Variants in CAMK1D observed in about 807,000 individuals in gnomAD.
The protein encoded by CAMK1D is calcium/calmodulin dependent protein kinase ID, also known as calcium/calmodulin-dependent protein kinase type 1D.
A neutral mutation model predicts 47.7 loss-of-function variants in CAMK1D; 9 were observed. The observed-to-expected ratio is 0.19, with a 90% CI of 0.11 to 0.33. CAMK1D has a LOEUF of 0.33. CAMK1D is among the 10% of genes least tolerant of loss of function. The pLI, the probability that CAMK1D is intolerant of heterozygous loss-of-function variation, is 1.00. For missense variants in CAMK1D, 291 were observed against 488.7 expected (o/e 0.60, Z 3.81); for synonymous variants, 184 against 184.9 (o/e 0.99, Z 0.04).
At chr10:12,547,157 G>T (rs1343123740) in intron 1 of CAMK1D, among the ~76,000 whole-genome samples, 1 of 152,196 alleles carries the variant, frequency 6.6e-6, no homozygotes, top group Non-Finnish European at 1.5e-5. Flanking sequence ...GGACATAAAG[G>T]CAGAAGGAGA....
chr10:12,679,201 C>T (rs1177267300), intron 3 of CAMK1D, among the ~76,000 whole-genome samples: 1 of 152,150 alleles, frequency 6.6e-6, no homozygotes, highest in Non-Finnish European at 1.5e-5. Flanking sequence ...AAATTCCATA[C>T]ATTATATGAA....
chr10:12,628,385 A>C (rs1014988256), intron 2 of CAMK1D, among the ~76,000 whole-genome samples: 2 of 152,150 alleles, frequency 1.3e-5, no homozygotes, highest in Non-Finnish European at 2.9e-5. Context: ...TAGTGTGGTC[A>C]TGGCTCACTG....
At chr10:12,560,732 AAGAG>A (rs1227631778) in intron 2 of CAMK1D, among the ~76,000 whole-genome samples, 3 of 151,962 alleles carry the variant, frequency 2.0e-5, no homozygotes, top group Non-Finnish European at 4.4e-5. Flanking sequence ...AAGGGTCTAA[AAGAG>A]AGAGAGCTCC....
Position 12,819,442 on chromosome 10 carries a change from C to G in CAMK1D, c.833+3114C>G, listed in dbSNP as rs555790992. 3.2e-3 allele frequency among the ~76,000 whole-genome samples: 488 copies of G among 152,288 alleles called. 1 individual carries two copies. Among genetic ancestry groups the G allele is most frequent in the African/African-American group, 0.011 (450 of 41,560 alleles). ...AGGCAGGGCAGGGGCCTGGCCTGGCCTGCTCGGCTCTTAAGTCCTGGCTTC... is the reference window on the plus strand; with the variant it reads ...AGGCAGGGCAGGGGCCTGGCCTGGCGTGCTCGGCTCTTAAGTCCTGGCTTC... On this transcript the variant is annotated intron_variant, in intron 8 of 10. Transcript: ENST00000619168.
At position 12,666,604 on chromosome 10, in the gene CAMK1D, T is replaced by G. The variant is rs1216043512; in HGVS notation, c.225-132T>G. The G allele has an allele frequency of 7.2e-6, 5 of 696,406 alleles. No homozygotes were observed. The East Asian group carries it at 1.1e-4, about 15-fold the overall frequency. 43.1% of individuals were successfully genotyped at this position (696,406 alleles called of 1,614,324 possible). On this transcript the variant is annotated intron_variant, in intron 2 of 10. Coordinates refer to ENST00000619168, the MANE Select transcript of CAMK1D (RefSeq NM_153498.4). ...TCTGGAAAAAGTCTGGGGACAACATTGTGAAGTCTGAAATCTTTTTGTTCA... is the reference window on the plus strand; with the variant it reads ...TCTGGAAAAAGTCTGGGGACAACATGGTGAAGTCTGAAATCTTTTTGTTCA...
intron 1 of CAMK1D, among the ~76,000 whole-genome samples, chr10:12,363,938 G>A (rs1357105673): frequency 6.6e-6 from 1 of 152,120 alleles, no homozygotes; most frequent in Non-Finnish European, 1.5e-5. Flanking sequence ...GTCTGAGCCC[G>A]TGCCTCCAGT....
intron 2 of CAMK1D, among the ~76,000 whole-genome samples, chr10:12,645,167 C>A (rs1023084806): frequency 1.3e-5 from 2 of 151,884 alleles, no homozygotes; most frequent in Admixed American, 1.3e-4. Flanking sequence ...GCTCAGTGAA[C>A]ATGTTCCCAC....
At chr10:12,821,938 C>T (rs1397866957) in intron 8 of CAMK1D, among the ~76,000 whole-genome samples, 1 of 152,124 alleles carries the variant, frequency 6.6e-6, no homozygotes, top group Non-Finnish European at 1.5e-5. Context: ...CGCACCACTG[C>T]CCTCCAGCCT....
intron 5 of CAMK1D, among the ~76,000 whole-genome samples, chr10:12,771,652 G>A (rs1197607110): frequency 6.6e-6 from 1 of 152,208 alleles, no homozygotes; most frequent in African/African-American, 2.4e-5. Flanking sequence ...GAGGAGCTGT[G>A]TGGACACCAT....
rs141216145 is a variant in CAMK1D at position 12,578,856 on chromosome 10, GACA to G, written c.224+25505_224+25507del. ...TGCACCAGTTCAGTTTGACTTTAGAGACAACAAGCTGAAGCTCTACACTCGATT... is the reference window on the plus strand; with the variant it reads ...TGCACCAGTTCAGTTTGACTTTAGAGACAAGCTGAAGCTCTACACTCGATT... On this transcript the variant is annotated intron_variant, in intron 2 of 10. Coordinates refer to ENST00000619168, the MANE Select transcript of CAMK1D (RefSeq NM_153498.4). 1.2e-3 allele frequency: 182 copies of G among 154,388 alleles called. 7 individuals are homozygous for G. In the East Asian group the frequency reaches 0.032, roughly 27 times the overall value. 9.6% of individuals were successfully genotyped at this position (154,388 alleles called of 1,614,324 possible).
At chr10:12,730,725 G>A (rs1427794488) in intron 3 of CAMK1D, among the ~76,000 whole-genome samples, 1 of 152,174 alleles carries the variant, frequency 6.6e-6, no homozygotes. Flanking sequence ...TACCTTGGAA[G>A]GTAAGTCGAG....
At chr10:12,514,409 T>G (rs1363145647) in intron 1 of CAMK1D, among the ~76,000 whole-genome samples, 1 of 152,202 alleles carries the variant, frequency 6.6e-6, no homozygotes, top group Non-Finnish European at 1.5e-5. Flanking sequence ...ACCACCACAA[T>G]GATGAAAAGA....
At position 12,771,966 on chromosome 10, in the gene CAMK1D, G is replaced by A. The variant is rs991044174; in HGVS notation, c.565+2167G>A. 3.3e-5 allele frequency among the ~76,000 whole-genome samples: 5 copies of A among 152,062 alleles called. 1 individual carries two copies. Among genetic ancestry groups the A allele is most frequent in the African/African-American group, 7.2e-5 (3 of 41,396 alleles). On this transcript the variant is annotated intron_variant, in intron 5 of 10. Coordinates refer to ENST00000619168, the MANE Select transcript of CAMK1D (RefSeq NM_153498.4). ...GGAGAATCGCTTGAACCTGGGGGGC[G>A]GAAGTTGCAGTGGGCTGAGATTGCG...
intron 3 of CAMK1D, among the ~76,000 whole-genome samples, chr10:12,681,201 C>CT (rs1840982078): frequency 1.3e-5 from 2 of 152,272 alleles, no homozygotes; most frequent in Non-Finnish European, 2.9e-5. Context: ...TGCTACGGCT[C>CT]TATCATCCTG....
chr10:12,377,435 A>G (rs564567007), intron 1 of CAMK1D, among the ~76,000 whole-genome samples: 52 of 152,354 alleles, frequency 3.4e-4, no homozygotes, highest in Admixed American at 1.1e-3. Flanking sequence ...TCACTTAAGC[A>G]GGTGAGTGAG....
At chr10:12,361,648 T>C (rs527635331) in intron 1 of CAMK1D, among the ~76,000 whole-genome samples, 16 of 146,768 alleles carry the variant, frequency 1.1e-4, no homozygotes, top group Non-Finnish European at 2.1e-4. Flanking sequence ...CTCTGCCTCC[T>C]GGGTTCAAGT....
chr10:12,419,248 A>G (rs28654669), intron 1 of CAMK1D, among the ~76,000 whole-genome samples: 6,915 of 151,936 alleles, frequency 0.046, 564 homozygotes, highest in African/African-American at 0.16. Context: ...TTCTGCCCCT[A>G]TGAAAAAAAA....
intron 1 of CAMK1D, among the ~76,000 whole-genome samples, chr10:12,549,419 T>C (rs1252515738): frequency 1.3e-5 from 2 of 152,280 alleles, no homozygotes; most frequent in Admixed American, 6.5e-5. Context: ...TATTCTGTTA[T>C]ATGTGTGGAC....
At position 12,750,482 on chromosome 10, in the gene CAMK1D, A is replaced by G. The variant is rs117890358; in HGVS notation, c.300-10466A>G. Among the ~76,000 whole-genome samples the G allele has an allele frequency of 2.7e-3, 404 of 152,290 alleles. 5 individuals are homozygous for G. In the East Asian group the frequency reaches 0.038, roughly 14 times the overall value. ...CTGGGGGTCCCTGCACAAAGCCAGG[A>G]CCAGCCAGGTGGGACAGCCATTCCC... On this transcript the variant is annotated intron_variant, in intron 3 of 10. Transcript: ENST00000619168.
Sources: allele counts gnomAD v4.1 joint callset (sites outside exome capture counted in the v4.1 genomes callset), GRCh38; gene constraint gnomAD v4.1.1; transcripts MANE v1.5; gene names NCBI Gene and HGNC (gene_info 2026-07-23, HGNC 2026-07-21).